SLX4IP: variants seen among roughly 807,000 people sequenced by gnomAD.
The protein encoded by SLX4IP is protein SLX4IP.
SLX4IP carries 34 observed loss-of-function variants against 32.9 expected under a neutral mutation model. The ratio of observed to expected loss-of-function variants is 1.03; its 90% CI spans 0.79 to 1.38. The LOEUF is 1.38. Ranked by LOEUF, SLX4IP falls within the 40% of genes most tolerant of loss-of-function variation. The pLI is 0.00. For synonymous variants in SLX4IP, 172 were observed against 171.7 expected, an observed-to-expected ratio of 1.00 and a Z score of -0.01; for missense variants, 444 against 479.0, an observed-to-expected ratio of 0.93 and a Z score of 0.68.
chr20:10,499,622 A>G (rs1300029502), intron 2 of SLX4IP, among the ~76,000 whole-genome samples: 2 of 152,222 alleles, frequency 1.3e-5, no homozygotes, highest in Non-Finnish European at 2.9e-5. Flanking sequence ...TTACCTACAG[A>G]CAAGACAAAT....
chr20:10,609,221 C>G (rs1374834721), intron 6 of SLX4IP, among the ~76,000 whole-genome samples: 1 of 152,174 alleles, frequency 6.6e-6, no homozygotes, highest in African/African-American at 2.4e-5. Context: ...CAAGAGACAG[C>G]AGACTTCTCA....
chr20:10,563,523 G>GTT (rs1217515616), intron 4 of SLX4IP, among the ~76,000 whole-genome samples: 2 of 152,238 alleles, frequency 1.3e-5, no homozygotes, highest in Admixed American at 1.3e-4. Flanking sequence ...TCTTCTAGTA[G>GTT]TTTTTTAGTT....
intron 2 of SLX4IP, among the ~76,000 whole-genome samples, chr20:10,543,210 G>A (rs2066126866): frequency 1.3e-5 from 2 of 152,194 alleles, no homozygotes; most frequent in Admixed American, 6.5e-5. Context: ...GATTGGATGT[G>A]TAATATGGGA....
At chr20:10,594,091 G>A (rs2038857713) in intron 4 of SLX4IP, among the ~76,000 whole-genome samples, 1 of 152,228 alleles carries the variant, frequency 6.6e-6, no homozygotes, top group Admixed American at 6.5e-5. Context: ...CCACTTCGAA[G>A]CAGTTTAGAA....
intron 6 of SLX4IP, chr20:10,614,082 C>A: frequency 6.5e-7 from 1 of 1,543,268 alleles, no homozygotes; most frequent in Non-Finnish European, 8.9e-7. Flanking sequence ...CTCGCCCACC[C>A]GGTCCAGGTG....
intron 4 of SLX4IP, among the ~76,000 whole-genome samples, chr20:10,571,096 G>C (rs114402780): frequency 0.018 from 2,740 of 152,312 alleles, 63 homozygotes; most frequent in African/African-American, 0.051. Context: ...GCCTCCGAAA[G>C]TGTTGGGATT....
At chr20:10,493,168 A>G (rs1160743092) in intron 2 of SLX4IP, among the ~76,000 whole-genome samples, 3 of 151,948 alleles carry the variant, frequency 2.0e-5, no homozygotes, top group South Asian at 2.1e-4. Context: ...TGCCTTGGCT[A>G]CTCTGTGACC....
rs143559779 is a variant in SLX4IP at position 10,489,666 on chromosome 20, T to C, written c.27+31435T>C. ...GCTAGCACAAGAGTAAGGGGTCAGG[T>C]TAGGCTTAGGGATAGAATTTAGAAG... On this transcript the variant is annotated intron_variant, in intron 2 of 7. Transcript: ENST00000334534. Among the ~76,000 whole-genome samples the C allele has an allele frequency of 8.9e-4, 135 of 152,298 alleles. 1 individual carries two copies. The highest frequency in any genetic ancestry group is 2.9e-3 in the African/African-American group (120 of 41,558).
At chr20:10,469,055 T>C (rs2065403247) in intron 2 of SLX4IP, among the ~76,000 whole-genome samples, 1 of 152,142 alleles carries the variant, frequency 6.6e-6, no homozygotes, top group Admixed American at 6.5e-5. Context: ...AAAAAAAATC[T>C]CATAATGTTT....
At chr20:10,513,663 C>A (rs1434937427) in intron 2 of SLX4IP, among the ~76,000 whole-genome samples, 1 of 152,230 alleles carries the variant, frequency 6.6e-6, no homozygotes, top group Non-Finnish European at 1.5e-5. Flanking sequence ...TGCATTAGAG[C>A]TGCCTCTGGC....
At chr20:10,495,384 T>C (rs2122403927) in intron 2 of SLX4IP, among the ~76,000 whole-genome samples, 1 of 152,328 alleles carries the variant, frequency 6.6e-6, no homozygotes, top group South Asian at 2.1e-4. Flanking sequence ...TAACCATTGT[T>C]GGAAATTTGT....
chr20:10,613,674 G>A, intron 6 of SLX4IP: 1 of 1,613,448 alleles, frequency 6.2e-7, no homozygotes, highest in East Asian at 2.2e-5. Context: ...CTTTTGTGTT[G>A]ATTCTTTGAC....
chr20:10,595,229 C>T (rs1237966644), intron 4 of SLX4IP, among the ~76,000 whole-genome samples: 1 of 152,094 alleles, frequency 6.6e-6, no homozygotes, highest in Non-Finnish European at 1.5e-5. Context: ...GTTTCTATTG[C>T]AAAGCTTTTT....
chr20:10,582,032 C>A (rs1187594659), intron 4 of SLX4IP, among the ~76,000 whole-genome samples: 1 of 152,082 alleles, frequency 6.6e-6, no homozygotes, highest in Non-Finnish European at 1.5e-5. Context: ...CTCCAGGAAG[C>A]TGGGAAATGT....
At chr20:10,572,257 ACTGT>A (rs2066475269) in intron 4 of SLX4IP, among the ~76,000 whole-genome samples, 1 of 152,202 alleles carries the variant, frequency 6.6e-6, no homozygotes, top group African/African-American at 2.4e-5. Flanking sequence ...TGAAAACTCC[ACTGT>A]CTGACACCGG....
chr20:10,585,747 C>A (rs1300122192), intron 4 of SLX4IP, among the ~76,000 whole-genome samples: 2 of 151,972 alleles, frequency 1.3e-5, no homozygotes, highest in Non-Finnish European at 2.9e-5. Context: ...CACACCACCA[C>A]ACCCAGCTAA....
chr20:10,553,488 T>C (rs755122357), intron 2 of SLX4IP, among the ~76,000 whole-genome samples: 2 of 152,240 alleles, frequency 1.3e-5, no homozygotes, highest in African/African-American at 2.4e-5. Flanking sequence ...AATAAGTCCA[T>C]GGCACAGGAA....
chr20:10,488,568 A>T (rs1225499521), intron 2 of SLX4IP, among the ~76,000 whole-genome samples: 1 of 152,098 alleles, frequency 6.6e-6, no homozygotes, highest in Admixed American at 6.5e-5. Context: ...TGATTCCTTC[A>T]AAGTTGTAAA....
chr20:10,583,447 A>G (rs982919392), intron 4 of SLX4IP, among the ~76,000 whole-genome samples: 1 of 152,046 alleles, frequency 6.6e-6, no homozygotes, highest in Non-Finnish European at 1.5e-5. Context: ...ACCTGTAGGA[A>G]CCCTCATCCC....
Sources: gnomAD v4.1 joint callset for allele counts (sites outside exome capture counted in the v4.1 genomes callset) on GRCh38, gnomAD v4.1.1 for gene constraint, MANE v1.5 for transcripts, NCBI Gene and HGNC (gene_info 2026-07-23, HGNC 2026-07-21) for gene names.